SYNPR: variants seen among roughly 807,000 people sequenced by gnomAD.
The protein encoded by SYNPR is synaptoporin.
Under a neutral mutation model 32.9 loss-of-function variants are expected in SYNPR, and 23 were observed. That is an observed-to-expected ratio of 0.70 (90% confidence interval 0.50 to 0.99). The LOEUF is 0.99. Ranked by LOEUF, SYNPR falls within the 50% of genes least tolerant of loss-of-function variation. The probability of loss-of-function intolerance (pLI) is 0.00; values close to 1 mark genes in which losing one functional copy is unlikely to be tolerated. For synonymous variants in SYNPR, 146 were observed against 135.9 expected, an observed-to-expected ratio of 1.07 and a Z score of -0.52; for missense variants, 318 against 349.3, an observed-to-expected ratio of 0.91 and a Z score of 0.71.
chr3:63,226,394 C>T (rs898422804), upstream of SYNPR, among the ~76,000 whole-genome samples: 3 of 151,998 alleles, frequency 2.0e-5, no homozygotes, highest in African/African-American at 7.2e-5. Context: ...AAAGGAATAC[C>T]GGCACTTGCA....
intron 3 of SYNPR, among the ~76,000 whole-genome samples, chr3:63,543,109 GAAT>G (rs1702336756): frequency 6.6e-6 from 1 of 152,114 alleles, no homozygotes; most frequent in East Asian, 1.9e-4. Flanking sequence ...TGAACTGTCA[GAAT>G]AATAGCTGCT....
chr3:63,201,952 G>T, the SYNPR span, among the ~76,000 whole-genome samples: 1 of 152,118 alleles, frequency 6.6e-6, no homozygotes, highest in Non-Finnish European at 1.5e-5. Flanking sequence ...TGTACTGGTT[G>T]AGATTCTTGA....
chr3:63,289,092 G>A (rs561751580), intron 2 of SYNPR, among the ~76,000 whole-genome samples: 2 of 152,182 alleles, frequency 1.3e-5, no homozygotes, highest in Admixed American at 6.5e-5. Context: ...CTCCAGCAGT[G>A]TCTGGTCTAT....
chr3:63,270,859 C>T, intron 3 of SYNPR, among the ~76,000 whole-genome samples: 1 of 69,538 alleles, frequency 1.4e-5, no homozygotes, highest in African/African-American at 4.7e-5. Context: ...TCTCTCCCTT[C>T]TTTCCTTCCT....
At chr3:63,235,226 A>G (rs1225483981) in intron 1 of SYNPR, among the ~76,000 whole-genome samples, 2 of 152,286 alleles carry the variant, frequency 1.3e-5, no homozygotes, top group East Asian at 3.9e-4. Context: ...TGTTTATAAT[A>G]TAACAGGAAA....
rs369985539 is a variant in SYNPR, at chr3:63,447,998, A to ATATTTATTTATT, written c.85-32824_85-32813dup. On this transcript the variant is annotated intron_variant, in intron 2 of 5. Transcript: ENST00000478300. ...GGACTTATTTAGCCTTGCCTACAGAATATTTATTTATTTATTTATTTTTGA... is the reference window on the plus strand; with the variant it reads ...GGACTTATTTAGCCTTGCCTACAGAATATTTATTTATTTATTTATTTATTTATTTATTTTTGA... Among the ~76,000 whole-genome samples, 223 of 151,738 alleles carry ATATTTATTTATT rather than the reference A, an allele frequency of 1.5e-3. 3 individuals carry two copies. In the East Asian group the frequency reaches 0.032, roughly 22 times the overall value.
chr3:63,333,944 A>G (rs1005266136), intron 2 of SYNPR, among the ~76,000 whole-genome samples: 2 of 152,370 alleles, frequency 1.3e-5, no homozygotes, highest in African/African-American at 4.8e-5. Flanking sequence ...AACAAACTGT[A>G]TTAAGAATGA....
intron 2 of SYNPR, among the ~76,000 whole-genome samples, chr3:63,263,888 T>C (rs1384415387): frequency 6.6e-6 from 1 of 152,194 alleles, no homozygotes; most frequent in African/African-American, 2.4e-5. Flanking sequence ...AGAAATCAGC[T>C]GCACTTCCTG....
intron 2 of SYNPR, 67 bp downstream of exon 2, chr3:63,278,809 T>G: frequency 2.0e-6 from 3 of 1,504,948 alleles, no homozygotes; most frequent in East Asian, 2.5e-5. Flanking sequence ...AGAGGTCGGA[T>G]GGGGTGCTCC....
intron 4 of SYNPR, among the ~76,000 whole-genome samples, chr3:63,601,317 T>C (rs1328454107): frequency 1.3e-5 from 2 of 152,178 alleles, no homozygotes; most frequent in East Asian, 3.9e-4. Context: ...GGTTGCTGTC[T>C]GAAACCCTTT....
intron 2 of SYNPR, among the ~76,000 whole-genome samples, chr3:63,372,973 C>G (rs114401114): frequency 0.014 from 2,081 of 152,284 alleles, 24 homozygotes; most frequent in African/African-American, 0.032. Context: ...CACCAAAAAT[C>G]CTTTGATAAT....
chr3:63,302,464 G>A (rs771880110), intron 2 of SYNPR, among the ~76,000 whole-genome samples: 2 of 152,058 alleles, frequency 1.3e-5, no homozygotes, highest in African/African-American at 2.4e-5. Flanking sequence ...AAGCCACATG[G>A]ATTATAAGTT....
At position 63,469,502 on chromosome 3, in the gene SYNPR, A is replaced by C. The variant is rs144428232; in HGVS notation, c.85-11330A>C. 9.8e-4 allele frequency among the ~76,000 whole-genome samples: 150 copies of C among 152,342 alleles called. 1 individual carries two copies. The highest frequency in any genetic ancestry group is 3.3e-3 in the African/African-American group (139 of 41,576). On this transcript the variant is annotated intron_variant, in intron 2 of 5. Coordinates refer to ENST00000478300, the MANE Select transcript of SYNPR (RefSeq NM_001130003.2). ...CACAAATTTACCCAAGAAAAATACC[A>C]AGTTCAAAAACACTACCATAGGCAA...
chr3:63,314,538 T>C (rs1361237291), intron 2 of SYNPR, among the ~76,000 whole-genome samples: 1 of 152,092 alleles, frequency 6.6e-6, no homozygotes, highest in East Asian at 1.9e-4. Context: ...CTGAGAATTG[T>C]CTATTCATGT....
At chr3:63,282,080 G>A (rs2086635605) in intron 2 of SYNPR, among the ~76,000 whole-genome samples, 1 of 152,202 alleles carries the variant, frequency 6.6e-6, no homozygotes, top group Non-Finnish European at 1.5e-5. Flanking sequence ...AATATTCAGT[G>A]CAGCAGAAGA....
intron 2 of SYNPR, among the ~76,000 whole-genome samples, chr3:63,415,973 C>T (rs2088533894): frequency 6.6e-6 from 1 of 152,184 alleles, no homozygotes; most frequent in Non-Finnish European, 1.5e-5. Context: ...TACTGTTACT[C>T]TCAGAAAGCA....
At chr3:63,534,739 G>C (rs1303216305) in intron 3 of SYNPR, among the ~76,000 whole-genome samples, 1 of 152,166 alleles carries the variant, frequency 6.6e-6, no homozygotes, top group African/African-American at 2.4e-5. Flanking sequence ...GTTGAAAGCA[G>C]AAGGGGACCA....
At chr3:63,567,847 A>T (rs1184804310) in intron 4 of SYNPR, among the ~76,000 whole-genome samples, 1 of 152,226 alleles carries the variant, frequency 6.6e-6, no homozygotes, top group East Asian at 1.9e-4. Flanking sequence ...CCTGTCTGAG[A>T]TCTGCAACTT....
At chr3:63,491,668 A>C (rs1317138018) in intron 3 of SYNPR, among the ~76,000 whole-genome samples, 2 of 151,936 alleles carry the variant, frequency 1.3e-5, no homozygotes, top group African/African-American at 2.4e-5. Context: ...GTACAGGCAC[A>C]CACCACCATG....
Sources: allele counts gnomAD v4.1 joint callset (sites outside exome capture counted in the v4.1 genomes callset), GRCh38; gene constraint gnomAD v4.1.1; transcripts MANE v1.5; gene names NCBI Gene and HGNC (gene_info 2026-07-23, HGNC 2026-07-21).